Variants in XNDC1N observed in about 807,000 individuals in gnomAD.
XNDC1N encodes the protein XRCC1 N-terminal domain containing 1, N-terminal like, also known as protein XNDC1N.
the XNDC1N span, among the ~76,000 whole-genome samples, chr11:71,907,345 G>A: frequency 6.6e-6 from 1 of 151,688 alleles, no homozygotes; most frequent in Non-Finnish European, 1.5e-5. Flanking sequence ...TCGCAGGGGG[G>A]TGAGGCGCCC....
chr11:71,928,157 T>A, the XNDC1N span: 1 of 401,184 alleles, frequency 2.5e-6, no homozygotes, highest in Non-Finnish European at 4.6e-6. Context: ...CCGAGGTGTG[T>A]GAACTGGCAT....
the XNDC1N span, among the ~76,000 whole-genome samples, chr11:71,872,470 T>G: frequency 1.3e-5 from 2 of 152,112 alleles, no homozygotes; most frequent in Non-Finnish European, 2.9e-5. Flanking sequence ...GAAATAGGAA[T>G]TATCACACTT....
chr11:71,887,134 G>A, the XNDC1N span, among the ~76,000 whole-genome samples: 37 of 152,182 alleles, frequency 2.4e-4, no homozygotes, highest in African/African-American at 7.5e-4. Context: ...AATGACAGTC[G>A]GGGGTGGAGA....
At chr11:71,926,987 C>T in the XNDC1N span, among the ~76,000 whole-genome samples, 5 of 152,172 alleles carry the variant, frequency 3.3e-5, no homozygotes, top group Admixed American at 6.5e-5. Flanking sequence ...CAGTGGCTCA[C>T]GCCTGTAATC....
the XNDC1N span, among the ~76,000 whole-genome samples, chr11:71,897,589 G>A: frequency 6.6e-6 from 1 of 152,214 alleles, no homozygotes; most frequent in African/African-American, 2.4e-5. Context: ...GAGAGAAGTA[G>A]GAATGCTCGA....
the XNDC1N span, among the ~76,000 whole-genome samples, chr11:71,874,150 A>G: frequency 6.6e-6 from 1 of 152,166 alleles, no homozygotes; most frequent in Admixed American, 6.5e-5. Flanking sequence ...CTCCATCTCC[A>G]CAAAAAAGAA....
At chr11:71,888,056 G>T in the XNDC1N span, among the ~76,000 whole-genome samples, 3 of 152,134 alleles carry the variant, frequency 2.0e-5, no homozygotes, top group Non-Finnish European at 4.4e-5. Context: ...TCCCAGCAGA[G>T]ACCTAGGCTG....
the XNDC1N span, among the ~76,000 whole-genome samples, chr11:71,920,398 C>T: frequency 6.6e-6 from 1 of 152,220 alleles, no homozygotes; most frequent in East Asian, 1.9e-4. Context: ...ACCTCCGCCT[C>T]CCGGGTTCAA....
the XNDC1N span, among the ~76,000 whole-genome samples, chr11:71,897,784 T>G: frequency 6.6e-6 from 1 of 152,222 alleles, no homozygotes; most frequent in Non-Finnish European, 1.5e-5. Flanking sequence ...GCAGCATTAT[T>G]CACAACAGCC....
chr11:71,921,479 A>G, the XNDC1N span, among the ~76,000 whole-genome samples: 1 of 152,006 alleles, frequency 6.6e-6, no homozygotes, highest in Non-Finnish European at 1.5e-5. Context: ...GGATCTTGCT[A>G]TATTGCTCAG....
the XNDC1N span, among the ~76,000 whole-genome samples, chr11:71,924,153 C>T: frequency 4.6e-5 from 7 of 152,096 alleles, no homozygotes; most frequent in Admixed American, 1.3e-4. Context: ...ATTAATCTTC[C>T]TACATTTAGC....
At chr11:71,923,338 T>A in the XNDC1N span, 1 of 703,018 alleles carries the variant, frequency 1.4e-6, no homozygotes. Context: ...ACATGGCTGA[T>A]CTTCACAGGA....
the XNDC1N span, among the ~76,000 whole-genome samples, chr11:71,877,310 G>A: frequency 2.0e-5 from 3 of 152,244 alleles, no homozygotes; most frequent in African/African-American, 7.2e-5. Flanking sequence ...GGTCAAGTAA[G>A]ACCAGGAATG....
chr11:71,913,665 T>TAAA, the XNDC1N span, among the ~76,000 whole-genome samples: 22 of 105,320 alleles, frequency 2.1e-4, 1 homozygote, highest in South Asian at 3.0e-4. Flanking sequence ...TCTCAAAAGA[T>TAAA]AAAAAAAAAA....
the XNDC1N span, among the ~76,000 whole-genome samples, chr11:71,924,506 G>A: frequency 7.9e-5 from 12 of 152,070 alleles, no homozygotes; most frequent in South Asian, 4.1e-4. Flanking sequence ...GTGAAACCCC[G>A]TCTCTATTAA....
the XNDC1N span, among the ~76,000 whole-genome samples, chr11:71,890,688 C>T: frequency 5.9e-5 from 9 of 152,144 alleles, no homozygotes; most frequent in East Asian, 1.7e-3. Context: ...TTGTGAACAA[C>T]CCCTGCGATA....
At chr11:71,879,676 T>A in the XNDC1N span, among the ~76,000 whole-genome samples, 1 of 152,164 alleles carries the variant, frequency 6.6e-6, no homozygotes, top group African/African-American at 2.4e-5. Context: ...GGTTATCAAG[T>A]GTATTCTTAA....
At chr11:71,886,156 C>T in the XNDC1N span, among the ~76,000 whole-genome samples, 1 of 151,974 alleles carries the variant, frequency 6.6e-6, no homozygotes, top group South Asian at 2.1e-4. Context: ...TGGGTACCAG[C>T]CCTTCACCTG....
chr11:71,874,939 C>T, the XNDC1N span, among the ~76,000 whole-genome samples: 5 of 152,260 alleles, frequency 3.3e-5, 1 homozygote, highest in African/African-American at 1.2e-4. Flanking sequence ...CAATTAACAA[C>T]ATATTGAACT....
Sources: allele counts gnomAD v4.1 joint callset (sites outside exome capture counted in the v4.1 genomes callset), GRCh38; gene constraint gnomAD v4.1.1; transcripts MANE v1.5; gene names NCBI Gene and HGNC (gene_info 2026-07-23, HGNC 2026-07-21).